Variants in CFAP74 observed in about 807,000 individuals in gnomAD.
CFAP74 encodes cilia and flagella associated protein 74, also known as cilia- and flagella-associated protein 74.
CFAP74 carries 124 observed loss-of-function variants against 188.9 expected under a neutral mutation model. That is an observed-to-expected ratio of 0.66 (90% CI 0.57 to 0.76). The LOEUF (loss-of-function observed/expected upper bound fraction) is 0.76, where lower values mean the gene tolerates loss of function less well. Ranked by LOEUF, CFAP74 falls within the 30% of genes least tolerant of loss-of-function variation. CFAP74 has a pLI of 0.00. For missense variants in CFAP74, 2,198 were observed against 2,165.2 expected (o/e 1.02, Z -0.30); for synonymous variants, 956 against 916.7 (o/e 1.04, Z -0.77).
Position 1,973,012 on chromosome 1 carries a change from C to G in CFAP74, c.710G>C (p.Arg237Thr). ...SLNTQKELGL[R>T]HQKLLEDARK... ...GGCGTCCTCCAGCAGCTTCTGGTGC[C>G]TGAGCCCGAGCTCCTTCTGGGTGTT... is the stretch of plus-strand genomic sequence containing the variant. Residue 237 changes from arginine (R) to threonine (T), a missense_variant, in exon 8 of 39, where the codon AGG becomes ACG. Arg to Thr is a moderately conservative substitution (Grantham distance 71). Transcript: ENST00000682832. The surrounding 1 kb of genome is among the most constrained non-coding windows in gnomAD (Gnocchi z 6.2). 1 of 1,614,068 alleles carries G rather than the reference C, an allele frequency of 6.2e-7. No homozygotes were observed. The highest frequency in any genetic ancestry group is 8.5e-7 in the Non-Finnish European group (1 of 1,180,016).
intron 1 of CFAP74, among the ~76,000 whole-genome samples, chr1:1,997,380 C>A (rs1657973503): frequency 6.6e-6 from 1 of 151,538 alleles, no homozygotes. Flanking sequence ...TGAGATTGAG[C>A]CACTGCACTC....
intron 4 of CFAP74, chr1:1,988,040 C>T: frequency 2.2e-6 from 1 of 463,514 alleles, no homozygotes; most frequent in South Asian, 1.6e-5. Flanking sequence ...ACCTCCTGGG[C>T]TCAAGCCATC....
chr1:1,958,300 C>T (rs1453909438), intron 16 of CFAP74, among the ~76,000 whole-genome samples: 1 of 152,220 alleles, frequency 6.6e-6, no homozygotes, highest in East Asian at 1.9e-4. Context: ...TAAGAATGGG[C>T]CTCTTCCTGC....
intron 1 of CFAP74, among the ~76,000 whole-genome samples, chr1:2,001,013 C>T (rs1416164972): frequency 6.6e-6 from 1 of 152,092 alleles, no homozygotes; most frequent in Non-Finnish European, 1.5e-5. Context: ...CCACAGTGGC[C>T]CAGGCTGGGC....
Position 1,955,817 on chromosome 1 carries a change from A to T in CFAP74, c.2050T>A (p.Tyr684Asn). Residue 684 changes from tyrosine (Y) to asparagine (N), a missense_variant, in exon 18 of 39, where the codon TAT becomes AAT. Transcript: ENST00000682832. ...SLLTYEDKSLYDKAATSFSEQ... is the reference protein window; with the variant it reads ...SLLTYEDKSLNDKAATSFSEQ... ...GAGAAGCTGGTGGCGGCTTTGTCAT[A>T]CAAGCTTTTATCTTCGTAGGTCAGG... 4.3e-6 allele frequency: 7 copies of T among 1,614,006 alleles called. No individual in the cohort carries two copies. The highest frequency in any genetic ancestry group is 5.9e-6 in the Non-Finnish European group (7 of 1,180,026).
At chr1:1,987,564 A>T (rs1327464550) in intron 4 of CFAP74, among the ~76,000 whole-genome samples, 5 of 150,560 alleles carry the variant, frequency 3.3e-5, no homozygotes, top group South Asian at 2.1e-4. Flanking sequence ...TTTTCCCGAG[A>T]CAGAGCCTCG....
chr1:1,925,855 C>G lies in CFAP74; in HGVS notation c.4032G>C (p.Thr1344=). The G allele has an allele frequency of 6.2e-7, 1 of 1,612,708 alleles. No individual in the cohort carries two copies. The highest frequency in any genetic ancestry group is 8.5e-7 in the Non-Finnish European group (1 of 1,179,934). ...LMGTGVASMI[T]CSIEGSVLNM... ...TGAGGACGCTGCCTTCAATGGAGCACGTGATCATGGACGCCACGCCAGTGC... is the reference window on the plus strand; with the variant it reads ...TGAGGACGCTGCCTTCAATGGAGCAGGTGATCATGGACGCCACGCCAGTGC... Residue 1344 remains threonine, a synonymous_variant, in exon 33 of 39, where the codon ACG becomes ACC. Coordinates refer to ENST00000682832, the MANE Select transcript of CFAP74 (RefSeq NM_001304360.2).
At chr1:1,976,567 G>A (rs1272553544) in intron 6 of CFAP74, among the ~76,000 whole-genome samples, 1 of 151,998 alleles carries the variant, frequency 6.6e-6, no homozygotes, top group East Asian at 1.9e-4. Context: ...CTTTTAAAAT[G>A]AGTCTTGCTC....
rs911521052 is a variant in CFAP74 at position 1,942,198 on chromosome 1, G to A, written c.2487-42C>T. Reference sequence around the variant, plus strand: ...GGGCACTGGGTCAGGTGCCACAGTCGTGATTCTGTGTGCGCTCAATGCCTG... The same window carrying A: ...GGGCACTGGGTCAGGTGCCACAGTCATGATTCTGTGTGCGCTCAATGCCTG... On this transcript the variant is annotated intron_variant, in intron 21 of 38. Transcript: ENST00000682832. This position sits in a 1 kb window ranked among gnomAD's most constrained non-coding sequence, Gnocchi z 4.3. The A allele has an allele frequency of 3.7e-5, 53 of 1,440,872 alleles. No homozygotes were observed. The highest frequency in any genetic ancestry group is 5.4e-5 in the Admixed American group (2 of 36,936). 89.3% of individuals were successfully genotyped at this position (1,440,872 alleles called of 1,614,324 possible). A position where few individuals can be genotyped will look rare whatever the true frequency, so the allele number is the denominator to read the frequency against.
intron 25 of CFAP74, among the ~76,000 whole-genome samples, chr1:1,931,833 C>A (rs566023709): frequency 6.7e-6 from 1 of 149,416 alleles, no homozygotes; most frequent in Admixed American, 6.7e-5. Context: ...GAGACCGAGG[C>A]GGGTGGATTA....
At position 1,966,168 on chromosome 1, in the gene CFAP74, G is replaced by C. The variant is rs1655453468; in HGVS notation, c.1401+203C>G. 3.9e-5 allele frequency among the ~76,000 whole-genome samples: 6 copies of C among 152,240 alleles called. No individual in the cohort carries two copies. In the South Asian group the frequency reaches 1.2e-3, roughly 32 times the overall value. ...CGTCGAGCACGCGTGGTGCCCTCCA[G>C]GCTCCGCGAAGAGGGAAAGGCATGA... On this transcript the variant is annotated intron_variant, in intron 12 of 38. Coordinates refer to ENST00000682832, the MANE Select transcript of CFAP74 (RefSeq NM_001304360.2).
At chr1:1,970,400 T>C (rs933488940) in intron 10 of CFAP74, among the ~76,000 whole-genome samples, 1 of 151,700 alleles carries the variant, frequency 6.6e-6, no homozygotes, top group Non-Finnish European at 1.5e-5. Flanking sequence ...GGGGCCGGGG[T>C]TTCAGCGTCT....
rs370279401 is a variant in CFAP74, at chr1:1,948,956, TAC to T, written c.2177-1904_2177-1903del. 2.0e-4 allele frequency among the ~76,000 whole-genome samples: 2 copies of T among 10,110 alleles called. 1 individual carries two copies. Among genetic ancestry groups the T allele is most frequent in the Non-Finnish European group, 5.0e-4 (2 of 3,984 alleles). The allele number at this position is 10,110 out of a possible 152,430, so 6.6% of individuals were successfully genotyped here. On this transcript the variant is annotated intron_variant, in intron 18 of 38. Transcript: ENST00000682832. ...CTTTCCTCCCTTCCTTTCCCTCCCT[TAC>T]TCCCTTCCTTCCTCCTTCCCTCCCT...
chr1:1,946,793 C>T (rs1284274142), intron 19 of CFAP74, among the ~76,000 whole-genome samples, 197 bp downstream of exon 19: 2 of 152,346 alleles, frequency 1.3e-5, no homozygotes, highest in African/African-American at 2.4e-5. Context: ...CAGCCGGAGG[C>T]GGTGGCCCCA....
chr1:1,997,123 G>A (rs1286904379), intron 1 of CFAP74, among the ~76,000 whole-genome samples: 1 of 151,940 alleles, frequency 6.6e-6, no homozygotes, highest in African/African-American at 2.4e-5. Flanking sequence ...ACAATCAGAT[G>A]TAAAAGAAAT....
At chr1:1,925,187 C>T (rs1317870031) in intron 33 of CFAP74, among the ~76,000 whole-genome samples, 1 of 143,444 alleles carries the variant, frequency 7.0e-6, no homozygotes, top group East Asian at 2.0e-4. Flanking sequence ...AGGGCGAAGG[C>T]ATGAGGGCAC....
intron 32 of CFAP74, 76 bp downstream of exon 32, chr1:1,926,152 G>A (rs1196608043): frequency 1.2e-5 from 18 of 1,455,068 alleles, no homozygotes; most frequent in African/African-American, 1.1e-4. Flanking sequence ...GGTGATGCCC[G>A]CCCCGGCCAG....
chr1:1,949,859 CTGTT>C (rs914682931), intron 18 of CFAP74, among the ~76,000 whole-genome samples: 1 of 152,220 alleles, frequency 6.6e-6, no homozygotes, highest in African/African-American at 2.4e-5. Context: ...AGGTTCATGT[CTGTT>C]TGCTGCTCGG....
At chr1:1,972,274 G>A (rs560807697) in intron 8 of CFAP74, among the ~76,000 whole-genome samples, 192 bp from the exon 9 acceptor site, 15 of 152,196 alleles carry the variant, frequency 9.9e-5, no homozygotes, top group Admixed American at 9.8e-4. Flanking sequence ...GTGACACAGC[G>A]ATGCCGTGTG....
Sources: allele counts gnomAD v4.1 joint callset (sites outside exome capture counted in the v4.1 genomes callset), GRCh38; gene constraint gnomAD v4.1.1; non-coding constraint Gnocchi (gnomAD v3.1); transcripts MANE v1.5; gene names NCBI Gene and HGNC (gene_info 2026-07-23, HGNC 2026-07-21).